The following CSGALNACT1 variants were observed in gnomAD, a reference collection of about 807,000 sequenced individuals.
The protein encoded by CSGALNACT1 is beta4GalNAcT-1.
Under a neutral mutation model 51.0 loss-of-function variants are expected in CSGALNACT1, and 52 were observed. That is an observed-to-expected ratio of 1.02 (90% confidence interval 0.82 to 1.29). The LOEUF is 1.29. Ranked by LOEUF, CSGALNACT1 falls within the 50% of genes most tolerant of loss-of-function variation. The pLI, the probability that CSGALNACT1 is intolerant of heterozygous loss-of-function variation, is 0.00. For missense variants in CSGALNACT1, 935 were observed against 679.2 expected (o/e 1.38, Z -4.19); for synonymous variants, 341 against 254.4 (o/e 1.34, Z -3.24).
intron 8 of CSGALNACT1, among the ~76,000 whole-genome samples, chr8:19,417,563 C>T (rs962381665): frequency 3.3e-5 from 5 of 152,220 alleles, no homozygotes; most frequent in Non-Finnish European, 5.9e-5. Flanking sequence ...TGTACGGAAG[C>T]ATCAGAGGCC....
chr8:19,649,522 G>A (rs1270564329), intron 1 of CSGALNACT1, among the ~76,000 whole-genome samples: 1 of 152,012 alleles, frequency 6.6e-6, no homozygotes, highest in East Asian at 1.9e-4. Context: ...TGTTGTCTTA[G>A]TCCTATGTGT....
intron 3 of CSGALNACT1, among the ~76,000 whole-genome samples, chr8:19,513,288 T>G (rs570762408): frequency 6.6e-6 from 1 of 151,484 alleles, no homozygotes; most frequent in Non-Finnish European, 1.5e-5. Flanking sequence ...GCAAAGGTCT[T>G]AAGATCAAAG....
At chr8:19,467,533 G>C (rs1251098260) in intron 4 of CSGALNACT1, among the ~76,000 whole-genome samples, 3 of 152,088 alleles carry the variant, frequency 2.0e-5, no homozygotes, top group Admixed American at 6.5e-5. Flanking sequence ...GAAAATGAAG[G>C]CAGGTTAGGA....
chr8:19,468,451 G>C (rs143575805), intron 4 of CSGALNACT1, among the ~76,000 whole-genome samples: 17 of 152,284 alleles, frequency 1.1e-4, no homozygotes, highest in African/African-American at 4.1e-4. Context: ...TGTCCTAGAG[G>C]AAAGGGGAGC....
At chr8:19,753,784 G>C (rs2065188573) in intron 1 of CSGALNACT1, among the ~76,000 whole-genome samples, 1 of 152,172 alleles carries the variant, frequency 6.6e-6, no homozygotes, top group Admixed American at 6.5e-5. Context: ...AATATTTTCA[G>C]TAATAATGTT....
At chr8:19,431,524 T>G (rs541336949) in intron 6 of CSGALNACT1, among the ~76,000 whole-genome samples, 1 of 152,112 alleles carries the variant, frequency 6.6e-6, no homozygotes, top group East Asian at 1.9e-4. Context: ...CACTTGGTAA[T>G]TGCATATAAT....
At chr8:19,528,176 T>C (rs984493965) in intron 3 of CSGALNACT1, among the ~76,000 whole-genome samples, 1 of 152,056 alleles carries the variant, frequency 6.6e-6, no homozygotes, top group African/African-American at 2.4e-5. Context: ...CTGTAGCCCA[T>C]TTTTGCCACG....
chr8:19,431,085 G>A (rs1585828684), intron 6 of CSGALNACT1, among the ~76,000 whole-genome samples: 1 of 152,096 alleles, frequency 6.6e-6, no homozygotes, highest in African/African-American at 2.4e-5. Flanking sequence ...TGGATTCCTT[G>A]TAATTTTCTA....
intron 3 of CSGALNACT1, among the ~76,000 whole-genome samples, chr8:19,534,615 A>T (rs1433541839): frequency 6.6e-6 from 1 of 152,184 alleles, no homozygotes; most frequent in Admixed American, 6.5e-5. Flanking sequence ...AGGGAAAATT[A>T]AATGAAATCC....
At chr8:19,497,624 G>A (rs182186016) in intron 4 of CSGALNACT1, among the ~76,000 whole-genome samples, 36 of 152,324 alleles carry the variant, frequency 2.4e-4, no homozygotes, top group Admixed American at 2.2e-3. Context: ...AGAGATGGAA[G>A]TAAGAATCAC....
chr8:19,586,208 C>G (rs1382997358), intron 3 of CSGALNACT1, among the ~76,000 whole-genome samples: 6 of 151,882 alleles, frequency 4.0e-5, no homozygotes, highest in Non-Finnish European at 7.4e-5. Context: ...ACTAAAAACA[C>G]AAAAATTATC....
intron 3 of CSGALNACT1, among the ~76,000 whole-genome samples, chr8:19,566,395 G>A (rs2041911459): frequency 6.6e-6 from 1 of 152,102 alleles, no homozygotes; most frequent in Admixed American, 6.6e-5. Context: ...CTAGTCTTTA[G>A]AACCATGAGA....
intron 1 of CSGALNACT1, among the ~76,000 whole-genome samples, chr8:19,665,753 C>G (rs116837117): frequency 0.013 from 2,010 of 152,290 alleles, 51 homozygotes; most frequent in African/African-American, 0.046. Flanking sequence ...CCATTCCTCT[C>G]TCTTAATTCA....
chr8:19,545,428 G>A (rs2086237392), intron 3 of CSGALNACT1, among the ~76,000 whole-genome samples: 1 of 152,172 alleles, frequency 6.6e-6, no homozygotes, highest in Admixed American at 6.6e-5. Context: ...GCCACCTCAT[G>A]CCTATAACTT....
At chr8:19,575,671 G>C (rs2044034544) in intron 3 of CSGALNACT1, among the ~76,000 whole-genome samples, 1 of 152,142 alleles carries the variant, frequency 6.6e-6, no homozygotes, top group Non-Finnish European at 1.5e-5. Flanking sequence ...AGTAGTAATA[G>C]TATAATGGCT....
At chr8:19,563,882 C>T (rs1564067944) in intron 3 of CSGALNACT1, among the ~76,000 whole-genome samples, 1 of 152,098 alleles carries the variant, frequency 6.6e-6, no homozygotes, top group Non-Finnish European at 1.5e-5. Context: ...GGCATGTCCT[C>T]CCCAACCCTA....
At chr8:19,548,986 CTT>C (rs1387482975) in intron 3 of CSGALNACT1, among the ~76,000 whole-genome samples, 1 of 151,810 alleles carries the variant, frequency 6.6e-6, no homozygotes, top group Non-Finnish European at 1.5e-5. Context: ...GCCTTATACT[CTT>C]TGAAATTTTA....
intron 1 of CSGALNACT1, among the ~76,000 whole-genome samples, chr8:19,663,575 G>A (rs2058944959): frequency 6.6e-6 from 1 of 152,190 alleles, no homozygotes; most frequent in African/African-American, 2.4e-5. Flanking sequence ...AGAGCTGACA[G>A]CCTGGGTACA....
At chr8:19,485,306 C>T (rs911205999) in intron 4 of CSGALNACT1, among the ~76,000 whole-genome samples, 2 of 152,132 alleles carry the variant, frequency 1.3e-5, no homozygotes, top group African/African-American at 4.8e-5. Flanking sequence ...CTTGTTAATC[C>T]ATTAGTAAAC....
Sources: allele counts gnomAD v4.1 joint callset (sites outside exome capture counted in the v4.1 genomes callset), GRCh38; gene constraint gnomAD v4.1.1; transcripts MANE v1.5; gene names NCBI Gene and HGNC (gene_info 2026-07-23, HGNC 2026-07-21).